Variants in RBFOX1 observed in about 807,000 individuals in gnomAD.
RBFOX1 encodes RNA binding fox-1 homolog 1, also known as RNA binding protein fox-1 homolog 1.
In RBFOX1, 8 loss-of-function variants were observed where a neutral mutation model predicts 57.7. The ratio of observed to expected loss-of-function variants is 0.14; its 90% CI spans 0.08 to 0.25. The LOEUF is 0.25. Ranked by LOEUF, RBFOX1 falls within the 10% of genes least tolerant of loss-of-function variation. The pLI, the probability that RBFOX1 is intolerant of heterozygous loss-of-function variation, is 1.00. For missense variants in RBFOX1, 611 were observed against 548.5 expected, an observed-to-expected ratio of 1.11 and a Z score of -1.14; for synonymous variants, 326 against 222.4, an observed-to-expected ratio of 1.47 and a Z score of -4.15.
intron 3 of RBFOX1, among the ~76,000 whole-genome samples, chr16:5,856,151 T>TTC (rs35841072): frequency 0.018 from 714 of 40,340 alleles, 13 homozygotes; most frequent in East Asian, 0.046. Context: ...GTCTTTATGG[T>TTC]TCTCTCTCTC....
intron 2 of RBFOX1, among the ~76,000 whole-genome samples, chr16:6,547,044 T>G (rs2096906280): frequency 6.6e-6 from 1 of 152,214 alleles, no homozygotes; most frequent in Non-Finnish European, 1.5e-5. Flanking sequence ...TGAGCATGCG[T>G]ATTATTACTA....
intron 3 of RBFOX1, among the ~76,000 whole-genome samples, chr16:6,675,288 C>T (rs1271331330): frequency 6.6e-5 from 10 of 152,072 alleles, no homozygotes; most frequent in African/African-American, 1.4e-4. Context: ...GTCTGAAAAT[C>T]GAGGGATATC....
At chr16:6,584,432 A>G (rs2097578387) in intron 2 of RBFOX1, among the ~76,000 whole-genome samples, 2 of 150,744 alleles carry the variant, frequency 1.3e-5, no homozygotes, top group African/African-American at 4.9e-5. Flanking sequence ...CAGTGGCATG[A>G]TCTTAGCACA....
chr16:6,515,916 AT>A (rs2096368134), intron 2 of RBFOX1, among the ~76,000 whole-genome samples: 1 of 152,166 alleles, frequency 6.6e-6, no homozygotes, highest in Non-Finnish European at 1.5e-5. Flanking sequence ...ACTCTCCTAG[AT>A]GGAATGAGTC....
At position 7,388,732 on chromosome 16, in the gene RBFOX1, C is replaced by T. The variant is rs531686341; in HGVS notation, c.28-129415C>T. On this transcript the variant is annotated intron_variant, in intron 4 of 15. Coordinates refer to ENST00000550418, the MANE Select transcript of RBFOX1 (RefSeq NM_018723.4). ...CATTTGGTATGGTATTCAATGAATT[C>T]CACGAGATATTCAATACTATTATAA... Among the ~76,000 whole-genome samples the T allele has an allele frequency of 1.6e-4, 22 of 139,874 alleles. 1 individual carries two copies. In the East Asian group the frequency reaches 4.5e-3, roughly 29 times the overall value. 91.8% of individuals were successfully genotyped at this position (139,874 alleles called of 152,430 possible).
chr16:5,640,963 CACATGCACACACAT>C (rs1236290677), intron 3 of RBFOX1, among the ~76,000 whole-genome samples: 1 of 151,800 alleles, frequency 6.6e-6, no homozygotes. Context: ...CATGCATACA[CACATGCACACACAT>C]ACATGCATAT....
chr16:7,125,117 A>T (rs1008150564), intron 4 of RBFOX1, among the ~76,000 whole-genome samples: 1 of 152,158 alleles, frequency 6.6e-6, no homozygotes, highest in South Asian at 2.1e-4. Flanking sequence ...TGACAATATG[A>T]GAGGTTTCTT....
intron 2 of RBFOX1, among the ~76,000 whole-genome samples, chr16:6,561,397 C>A (rs1275061979): frequency 6.6e-6 from 1 of 152,184 alleles, no homozygotes; most frequent in Admixed American, 6.5e-5. Flanking sequence ...AAGTAAATAA[C>A]ATGTTTTTCA....
At chr16:7,102,378 T>C (rs1599555541) in intron 4 of RBFOX1, among the ~76,000 whole-genome samples, 2 of 152,232 alleles carry the variant, frequency 1.3e-5, no homozygotes, top group Admixed American at 1.3e-4. Flanking sequence ...GAATTGTCTT[T>C]AGTGAAGTGT....
At chr16:6,862,980 G>C (rs1476835498) in intron 3 of RBFOX1, among the ~76,000 whole-genome samples, 2 of 145,662 alleles carry the variant, frequency 1.4e-5, no homozygotes, top group South Asian at 4.6e-4. Flanking sequence ...GGGAGACTCT[G>C]TCTAAAAAAA....
At chr16:7,044,827 G>A (rs979602326) in intron 3 of RBFOX1, among the ~76,000 whole-genome samples, 2 of 152,108 alleles carry the variant, frequency 1.3e-5, no homozygotes, top group African/African-American at 4.8e-5. Context: ...CAGACTGTAG[G>A]GAGTTACAGG....
intron 4 of RBFOX1, among the ~76,000 whole-genome samples, chr16:7,514,371 C>T (rs898367775): frequency 9.9e-5 from 15 of 152,188 alleles, no homozygotes; most frequent in Non-Finnish European, 1.8e-4. Flanking sequence ...GTCATTTTTC[C>T]AGCACATATT....
chr16:7,354,826 C>G (rs551811114), intron 4 of RBFOX1, among the ~76,000 whole-genome samples: 5 of 152,144 alleles, frequency 3.3e-5, no homozygotes, highest in South Asian at 2.1e-4. Flanking sequence ...GTTGGTTGTA[C>G]TAGACAGTAT....
rs541561921 is a variant in RBFOX1, at chr16:7,567,186, T to A, written c.271-12591T>A. 9.9e-4 allele frequency among the ~76,000 whole-genome samples: 147 copies of A among 147,766 alleles called. 4 individuals are homozygous for A. Among genetic ancestry groups the A allele is most frequent in the Non-Finnish European group, 2.1e-3 (139 of 67,108 alleles). ...ATCCATATATATATCCCTATATAAA[T>A]ATCCATATATATATCCCTATATAAA... On this transcript the variant is annotated intron_variant, in intron 5 of 15. Transcript: ENST00000550418.
At chr16:6,283,844 A>G (rs2076636663) in intron 1 of RBFOX1, among the ~76,000 whole-genome samples, 1 of 152,250 alleles carries the variant, frequency 6.6e-6, no homozygotes, top group African/African-American at 2.4e-5. Flanking sequence ...ATTACCTGCA[A>G]TGGCACTTTT....
intron 2 of RBFOX1, among the ~76,000 whole-genome samples, chr16:6,601,416 T>G (rs1276184897): frequency 6.6e-6 from 1 of 152,166 alleles, no homozygotes; most frequent in Non-Finnish European, 1.5e-5. Context: ...GTGGCCAGAC[T>G]CCGGGAGAGT....
intron 3 of RBFOX1, among the ~76,000 whole-genome samples, chr16:6,938,564 A>ATT (rs35962800): frequency 0.014 from 2,124 of 151,828 alleles, 51 homozygotes; most frequent in African/African-American, 0.048. Flanking sequence ...GAATTACTGT[A>ATT]TTTTTTCTCT....
At chr16:6,761,385 C>G (rs546035978) in intron 3 of RBFOX1, among the ~76,000 whole-genome samples, 80 of 151,054 alleles carry the variant, frequency 5.3e-4, no homozygotes, top group African/African-American at 1.9e-3. Context: ...GTCTTTGCAT[C>G]TCTTATGTTG....
At chr16:7,323,956 T>C (rs1247729410) in intron 4 of RBFOX1, among the ~76,000 whole-genome samples, 1 of 152,094 alleles carries the variant, frequency 6.6e-6, no homozygotes, top group African/African-American at 2.4e-5. Flanking sequence ...GATGGATGGA[T>C]GGTGTGTTGG....
Sources: gnomAD v4.1 joint callset for allele counts (sites outside exome capture counted in the v4.1 genomes callset) on GRCh38, gnomAD v4.1.1 for gene constraint, MANE v1.5 for transcripts, NCBI Gene and HGNC (gene_info 2026-07-23, HGNC 2026-07-21) for gene names.